PAPOLA: variants seen among roughly 807,000 people sequenced by gnomAD.
PAPOLA encodes the protein polynucleotide adenylyltransferase alpha.
PAPOLA carries 15 observed loss-of-function variants against 100.6 expected under a neutral mutation model. The ratio of observed to expected loss-of-function variants is 0.15; its 90% CI spans 0.10 to 0.23. PAPOLA has a LOEUF of 0.23. Ranked by LOEUF, PAPOLA falls within the 10% of genes least tolerant of loss-of-function variation. The pLI is 1.00. For synonymous variants in PAPOLA, 293 were observed against 300.0 expected (o/e 0.98, Z 0.24); for missense variants, 533 against 884.2 (o/e 0.60, Z 5.04).
intron 19 of PAPOLA, among the ~76,000 whole-genome samples, chr14:96,559,680 T>C (rs989885046): frequency 2.0e-5 from 3 of 150,630 alleles, no homozygotes; most frequent in Admixed American, 6.6e-5. Context: ...ATTTCAAACA[T>C]GTCATAAGTA....
At chr14:96,521,389 A>G (rs975168662) in intron 3 of PAPOLA, among the ~76,000 whole-genome samples, 2 of 152,212 alleles carry the variant, frequency 1.3e-5, no homozygotes, top group African/African-American at 4.8e-5. Context: ...TGCTTTAAAC[A>G]TATTTGAGAC....
chr14:96,531,613 G>A (rs1899022644), intron 7 of PAPOLA, 27 bp downstream of exon 7: 1 of 1,577,116 alleles, frequency 6.3e-7, no homozygotes, highest in Non-Finnish European at 8.6e-7. Flanking sequence ...TTCCTTTTGT[G>A]TACTTCAGTT....
intron 20 of PAPOLA, 79 bp downstream of exon 20, chr14:96,560,790 AT>A (rs1212499857): frequency 2.3e-5 from 22 of 955,692 alleles, no homozygotes; most frequent in Non-Finnish European, 3.4e-5. Context: ...AAAATATTGT[AT>A]TTTTGTGCTA....
At chr14:96,502,808 T>A (rs998312133) in intron 1 of PAPOLA, 20 of 503,512 alleles carry the variant, frequency 4.0e-5, no homozygotes, top group Middle Eastern at 5.5e-4. Context: ...CCCCCGACCC[T>A]TCCTGGCTGG....
intron 6 of PAPOLA, 96 bp from the exon 7 acceptor site, chr14:96,531,379 C>G: frequency 1.1e-6 from 1 of 922,676 alleles, no homozygotes; most frequent in Non-Finnish European, 1.6e-6. Context: ...GCCTCAGCCT[C>G]CCAGAGTGCT....
intron 16 of PAPOLA, among the ~76,000 whole-genome samples, chr14:96,549,249 A>AT (rs764364872): frequency 0.018 from 2,535 of 140,082 alleles, 41 homozygotes; most frequent in South Asian, 0.087. Flanking sequence ...TGTTATTCTA[A>AT]TTTTTTTTTT....
At chr14:96,527,350 C>A in intron 4 of PAPOLA, 80 bp from the exon 5 acceptor site, 1 of 832,262 alleles carries the variant, frequency 1.2e-6, no homozygotes, top group Non-Finnish European at 2.0e-6. Context: ...AGATTCTCAA[C>A]ATCAAATACT....
intron 9 of PAPOLA, 55 bp from the exon 10 acceptor site, chr14:96,534,435 AC>A (rs1899343908): frequency 6.3e-7 from 1 of 1,592,496 alleles, no homozygotes. Context: ...TTAACAAAAT[AC>A]GTTTAGATGG....
chr14:96,562,576 C>A (rs1330826609), intron 20 of PAPOLA: 2 of 291,290 alleles, frequency 6.9e-6, no homozygotes, highest in Non-Finnish European at 1.3e-5. Context: ...GTTGGAAAGT[C>A]ATGAGCTAGT....
At chr14:96,533,800 G>A (rs927471767) in intron 9 of PAPOLA, 9 of 680,088 alleles carry the variant, frequency 1.3e-5, no homozygotes, top group South Asian at 6.6e-5. Context: ...TAATCCGCCC[G>A]CCTCGGCCTC....
In PAPOLA at chr14:96,556,178, C is replaced by G; in HGVS notation, c.1769C>G (p.Thr590Arg). 6.2e-7 allele frequency: 1 copy of G among 1,611,604 alleles called. No homozygotes were observed. The highest frequency in any genetic ancestry group is 1.1e-5 in the South Asian group (1 of 91,024). ...QVNSSESSGGTSSESIPQTAT... is the reference protein window; with the variant it reads ...QVNSSESSGGRSSESIPQTAT... Reference sequence around the variant, plus strand: ...TACTCATATATTTGCTGCTTAGGTACATCGAGTGAAAGCATTCCTCAAACT... The same window carrying G: ...TACTCATATATTTGCTGCTTAGGTAGATCGAGTGAAAGCATTCCTCAAACT... The change falls in exon 19 of 22, where the codon ACA becomes AGA. Residue 590 changes from threonine (T) to arginine (R), a missense_variant. By Grantham distance (71) the Thr-to-Arg change is moderately conservative. Transcript: ENST00000216277.
intron 15 of PAPOLA, among the ~76,000 whole-genome samples, chr14:96,546,525 CTGTTA>C (rs1036721084): frequency 2.0e-5 from 3 of 152,046 alleles, no homozygotes; most frequent in Admixed American, 6.6e-5. Flanking sequence ...ACCTTACCTC[CTGTTA>C]TAAGTTCACA....
At position 96,562,858 on chromosome 14, in the gene PAPOLA, A is replaced by C; in HGVS notation, c.2107A>C (p.Thr703Pro). ...DTETSTTQSE[T>P]IQTAASLLAS... ...AGAGACAAGTACAACTCAATCAGAA[A>C]CTATTCAGACAGCGGCTTCTCTGTT... Residue 703 changes from threonine (T) to proline (P), a missense_variant, in exon 21 of 22, where the codon ACT becomes CCT. Physicochemically the swap from Thr to Pro is conservative, Grantham distance 38. This residue lies in a region of PAPOLA where 242 missense variants were observed against 281.0 expected (regional missense o/e 0.86). Transcript: ENST00000216277. 6.2e-7 allele frequency: 1 copy of C among 1,612,660 alleles called. No individual in the cohort carries two copies. The highest frequency in any genetic ancestry group is 1.1e-5 in the South Asian group (1 of 91,028).
intron 1 of PAPOLA, chr14:96,504,348 T>C (rs942242788): frequency 6.6e-6 from 1 of 152,240 alleles, no homozygotes; most frequent in African/African-American, 2.4e-5. Flanking sequence ...AGGGAAGGTA[T>C]ACATTTCTGT....
At chr14:96,507,253 T>C (rs1350791878) in intron 1 of PAPOLA, among the ~76,000 whole-genome samples, 1 of 151,948 alleles carries the variant, frequency 6.6e-6, no homozygotes, top group Non-Finnish European at 1.5e-5. Context: ...CATGCCATTC[T>C]TACTAAATTT....
chr14:96,556,431 A>G lies in PAPOLA; in HGVS notation c.2004+18A>G, dbSNP rs1272337076. The G allele has an allele frequency of 2.0e-6, 3 of 1,504,798 alleles. No individual in the cohort carries two copies. The highest frequency in any genetic ancestry group is 2.3e-5 in the East Asian group (1 of 44,350). 93.2% of individuals were successfully genotyped at this position (1,504,798 alleles called of 1,614,324 possible). A position where few individuals can be genotyped will look rare whatever the true frequency, so the allele number is the denominator to read the frequency against. On this transcript the variant is annotated intron_variant, in intron 19 of 21. Coordinates refer to ENST00000216277, the MANE Select transcript of PAPOLA (RefSeq NM_032632.5). ...CAGAAGAGGTATATATATGAAAAAC[A>G]TATTAGTTAGCCATGGCAACACCAA... is the stretch of plus-strand genomic sequence containing the variant.
intron 19 of PAPOLA, among the ~76,000 whole-genome samples, chr14:96,558,550 G>T (rs565769755): frequency 6.6e-6 from 1 of 151,988 alleles, no homozygotes; most frequent in Non-Finnish European, 1.5e-5. Context: ...GTTTAGAAAA[G>T]CAATAAGAAT....
chr14:96,536,356 G>A (rs866114674), intron 11 of PAPOLA, among the ~76,000 whole-genome samples: 8 of 152,030 alleles, frequency 5.3e-5, no homozygotes, highest in Non-Finnish European at 7.4e-5. Context: ...CAGGAATGGG[G>A]CCAAACCACC....
intron 17 of PAPOLA, among the ~76,000 whole-genome samples, chr14:96,555,199 T>C (rs962232048): frequency 2.0e-5 from 3 of 151,248 alleles, no homozygotes; most frequent in Admixed American, 1.3e-4. Context: ...TCTCAGAACA[T>C]TTGCTCATTC....
Sources: gnomAD v4.1 joint callset for allele counts (sites outside exome capture counted in the v4.1 genomes callset) on GRCh38, gnomAD v4.1.1 for gene constraint, gnomAD v4.1.1 regional missense constraint, MANE v1.5 for transcripts, NCBI Gene and HGNC (gene_info 2026-07-23, HGNC 2026-07-21) for gene names.